The following CTNNA3 variants were observed in gnomAD, a reference collection of about 807,000 sequenced individuals.
CTNNA3 encodes catenin alpha 3.
In CTNNA3, 76 loss-of-function variants were observed where a neutral mutation model predicts 95.7. The observed-to-expected ratio is 0.79, with a 90% CI of 0.66 to 0.96. CTNNA3 has a LOEUF of 0.96. CTNNA3 is among the 40% of genes least tolerant of loss of function. CTNNA3 has a pLI of 0.00. For synonymous variants in CTNNA3, 431 were observed against 374.4 expected (o/e 1.15, Z -1.74); for missense variants, 1,191 against 1,089.8 (o/e 1.09, Z -1.31).
intron 7 of CTNNA3, among the ~76,000 whole-genome samples, chr10:67,071,327 T>TC (rs1474004938): frequency 2.9e-4 from 29 of 99,486 alleles, no homozygotes; most frequent in African/African-American, 1.1e-3. Flanking sequence ...TTTTGTATTT[T>TC]GGGTTTTTTT....
chr10:66,142,906 G>A (rs1031228416), intron 13 of CTNNA3, among the ~76,000 whole-genome samples: 2 of 152,024 alleles, frequency 1.3e-5, no homozygotes, highest in African/African-American at 2.4e-5. Context: ...AAGTTAAAAG[G>A]ATTGTGTCTT....
intron 13 of CTNNA3, among the ~76,000 whole-genome samples, chr10:66,214,633 GA>G (rs923075061): frequency 2.6e-5 from 4 of 151,472 alleles, no homozygotes; most frequent in African/African-American, 9.7e-5. Flanking sequence ...AAGAGAGGGA[GA>G]AAAAATATAT....
At chr10:66,799,137 A>G (rs532543715) in intron 7 of CTNNA3, among the ~76,000 whole-genome samples, 12 of 151,548 alleles carry the variant, frequency 7.9e-5, no homozygotes, top group Non-Finnish European at 1.8e-4. Context: ...ACAAACCTCA[A>G]CACTCCTGAA....
intron 3 of CTNNA3, among the ~76,000 whole-genome samples, chr10:67,588,372 A>G (rs1280754337): frequency 1.3e-5 from 2 of 151,968 alleles, no homozygotes; most frequent in African/African-American, 4.8e-5. Context: ...CTTCTTCCTG[A>G]AGCTGTGTCT....
intron 12 of CTNNA3, among the ~76,000 whole-genome samples, chr10:66,290,097 A>G (rs931466922): frequency 6.6e-6 from 1 of 152,030 alleles, no homozygotes; most frequent in Non-Finnish European, 1.5e-5. Context: ...GGAAAGAAGG[A>G]TAGTAGTAGG....
At chr10:66,679,902 C>T (rs182707383) in intron 9 of CTNNA3, among the ~76,000 whole-genome samples, 10 of 152,254 alleles carry the variant, frequency 6.6e-5, no homozygotes, top group Admixed American at 6.5e-4. Context: ...TAAAAGTAAA[C>T]CAATTTCTCC....
chr10:67,656,201 A>G (rs185515791), intron 1 of CTNNA3, among the ~76,000 whole-genome samples: 2 of 152,342 alleles, frequency 1.3e-5, no homozygotes, highest in African/African-American at 4.8e-5. Flanking sequence ...TTGGTAAACA[A>G]AAGGATCTGA....
intron 9 of CTNNA3, among the ~76,000 whole-genome samples, chr10:66,652,643 G>T (rs1056241957): frequency 2.6e-5 from 4 of 152,050 alleles, no homozygotes; most frequent in African/African-American, 4.8e-5. Context: ...ATTTCATGAG[G>T]TTAGCATTAC....
intron 13 of CTNNA3, among the ~76,000 whole-genome samples, chr10:66,222,221 C>T (rs1336641984): frequency 6.6e-6 from 1 of 152,072 alleles, no homozygotes. Flanking sequence ...ACTTCTACAT[C>T]ACTTTTTGTT....
chr10:66,294,743 C>T (rs2091746280), intron 12 of CTNNA3, among the ~76,000 whole-genome samples: 1 of 151,988 alleles, frequency 6.6e-6, no homozygotes, highest in Non-Finnish European at 1.5e-5. Flanking sequence ...ATTGACTAAT[C>T]CTGATGTCTA....
At chr10:66,939,964 C>T (rs115744652) in intron 7 of CTNNA3, among the ~76,000 whole-genome samples, 1,910 of 152,180 alleles carry the variant, frequency 0.013, 43 homozygotes, top group African/African-American at 0.043. Flanking sequence ...TACCCCTATA[C>T]GCATCTTGCT....
intron 12 of CTNNA3, among the ~76,000 whole-genome samples, chr10:66,294,132 T>C (rs566287784): frequency 1.8e-4 from 28 of 152,320 alleles, no homozygotes; most frequent in African/African-American, 6.3e-4. Context: ...ATAGTGATTG[T>C]CTAATCATCA....
intron 15 of CTNNA3, among the ~76,000 whole-genome samples, chr10:66,021,114 C>T (rs2079196566): frequency 6.6e-6 from 1 of 152,128 alleles, no homozygotes; most frequent in South Asian, 2.1e-4. Context: ...TTGTAAACGT[C>T]TGTGATCTCT....
intron 11 of CTNNA3, among the ~76,000 whole-genome samples, chr10:66,453,614 G>A (rs146565254): frequency 2.5e-4 from 38 of 152,294 alleles, no homozygotes; most frequent in Non-Finnish European, 4.9e-4. Flanking sequence ...CAGCCTAATC[G>A]AAGGAACAGA....
At chr10:67,730,540 C>G (rs1463034643) in intron 1 of CTNNA3, among the ~76,000 whole-genome samples, 3 of 151,928 alleles carry the variant, frequency 2.0e-5, no homozygotes, top group Non-Finnish European at 4.4e-5. Context: ...AAGACATGAT[C>G]CAAGAAAGAA....
chr10:66,159,626 G>GT (rs34684370), intron 13 of CTNNA3, among the ~76,000 whole-genome samples: 39,735 of 114,824 alleles, frequency 0.35, 6,886 homozygotes, highest in Non-Finnish European at 0.43. Context: ...TTTGTTTTCT[G>GT]TTTTTTTTTT....
chr10:66,472,198 G>A (rs578019816), intron 11 of CTNNA3, among the ~76,000 whole-genome samples: 1 of 151,884 alleles, frequency 6.6e-6, no homozygotes, highest in South Asian at 2.1e-4. Context: ...TTATTCTAGT[G>A]AACAGAACAA....
chr10:66,620,183 C>T (rs1029366492), intron 10 of CTNNA3, among the ~76,000 whole-genome samples: 1 of 152,090 alleles, frequency 6.6e-6, no homozygotes, highest in African/African-American at 2.4e-5. Flanking sequence ...CAAACCAGGA[C>T]ACCCAGTAGG....
chr10:67,442,802 ATTAT>A (rs895421429), intron 5 of CTNNA3, among the ~76,000 whole-genome samples: 20 of 151,652 alleles, frequency 1.3e-4, no homozygotes. Context: ...TTTTTTTTTA[ATTAT>A]TATTATACTT....
Sources: allele counts gnomAD v4.1 joint callset (sites outside exome capture counted in the v4.1 genomes callset), GRCh38; gene constraint gnomAD v4.1.1; transcripts MANE v1.5; gene names NCBI Gene and HGNC (gene_info 2026-07-23, HGNC 2026-07-21).